Variants in UPB1 observed in about 807,000 individuals in gnomAD.
UPB1 encodes the protein beta-ureidopropionase.
In UPB1, 40 loss-of-function variants were observed where a neutral mutation model predicts 49.1. That is an observed-to-expected ratio of 0.81 (90% CI 0.63 to 1.06). The LOEUF (loss-of-function observed/expected upper bound fraction) is 1.06. Ranked by LOEUF, UPB1 falls within the 50% of genes least tolerant of loss-of-function variation. UPB1 has a pLI of 0.00. For missense variants in UPB1, 499 were observed against 505.9 expected (o/e 0.99, Z 0.13); for synonymous variants, 207 against 198.2 (o/e 1.04, Z -0.38).
At chr22:24,509,254 A>G (rs925807732) in intron 3 of UPB1, among the ~76,000 whole-genome samples, 1 of 151,470 alleles carries the variant, frequency 6.6e-6, no homozygotes, top group Non-Finnish European at 1.5e-5. Context: ...GGCCCACCCC[A>G]GCGGAGTCCC....
intron 3 of UPB1, among the ~76,000 whole-genome samples, chr22:24,507,470 T>C (rs901721778): frequency 1.3e-4 from 20 of 152,128 alleles, no homozygotes; most frequent in African/African-American, 4.8e-4. Flanking sequence ...CTCTTCCTTC[T>C]CTGTGAAATA....
chr22:24,504,390 T>C (rs551180548), intron 3 of UPB1, among the ~76,000 whole-genome samples: 5 of 152,366 alleles, frequency 3.3e-5, no homozygotes, highest in African/African-American at 1.2e-4. Context: ...CATTGTCTTC[T>C]AGTTTTTTGG....
At position 24,520,444 on chromosome 22, in the gene UPB1, C is replaced by T; in HGVS notation, c.849C>T (p.Thr283=). ...CAGCCATTGCCAATCACTGCTTCAC[C>T]TGCGCCATCAATCGAGTGGGCACCG... ...RNAAIANHCF[T]CAINRVGTEH... The change falls in exon 7 of 10, where the codon ACC becomes ACT. Residue 283 remains threonine (T), a synonymous_variant. Coordinates refer to ENST00000326010, the MANE Select transcript of UPB1 (RefSeq NM_016327.3). 6.2e-7 allele frequency: 1 copy of T among 1,614,200 alleles called. No individual in the cohort carries two copies. The highest frequency in any genetic ancestry group is 8.5e-7 in the Non-Finnish European group (1 of 1,180,040).
intron 3 of UPB1, among the ~76,000 whole-genome samples, chr22:24,509,508 A>G (rs550405120): frequency 6.6e-6 from 1 of 152,018 alleles, no homozygotes; most frequent in South Asian, 2.1e-4. Context: ...CATCCTGTCC[A>G]GTGGTTCCCA....
chr22:24,509,361 G>GAAAAA (rs202081655), intron 3 of UPB1, among the ~76,000 whole-genome samples: 5 of 92,168 alleles, frequency 5.4e-5, no homozygotes, highest in African/African-American at 9.4e-5. Flanking sequence ...CCTACTGTTT[G>GAAAAA]AAAAAAAAAA....
At chr22:24,522,167 T>C in intron 8 of UPB1, 139 bp downstream of exon 8, 2 of 1,002,274 alleles carry the variant, frequency 2.0e-6, no homozygotes, top group South Asian at 1.4e-5. Context: ...CCAATTCCTC[T>C]CTGCTTTATT....
At chr22:24,498,342 A>G (rs927222835) in intron 1 of UPB1, among the ~76,000 whole-genome samples, 1 of 152,144 alleles carries the variant, frequency 6.6e-6, no homozygotes, top group African/African-American at 2.4e-5. Flanking sequence ...GGCACAGCAC[A>G]TGGTCATTGA....
intron 4 of UPB1, among the ~76,000 whole-genome samples, chr22:24,511,314 T>C (rs2044197584): frequency 6.6e-6 from 1 of 152,164 alleles, no homozygotes; most frequent in East Asian, 1.9e-4. Context: ...CCCATTTATA[T>C]AAACTGTCCA....
chr22:24,507,376 T>C (rs2044108738), intron 3 of UPB1, among the ~76,000 whole-genome samples: 1 of 152,060 alleles, frequency 6.6e-6, no homozygotes, highest in South Asian at 2.1e-4. Context: ...AAGATGGTGG[T>C]GGTGCCATTG....
intron 9 of UPB1, 130 bp from the exon 10 acceptor site, chr22:24,525,581 C>A: frequency 9.7e-7 from 1 of 1,026,242 alleles, no homozygotes; most frequent in Non-Finnish European, 1.5e-6. Flanking sequence ...GCCAAGAGGT[C>A]ACTGTCAACG....
At chr22:24,521,769 G>GGTGCC (rs1271708839) in intron 7 of UPB1, among the ~76,000 whole-genome samples, 1 of 152,176 alleles carries the variant, frequency 6.6e-6, no homozygotes, top group Non-Finnish European at 1.5e-5. Flanking sequence ...TACCCCGCTT[G>GGTGCC]TCAAATTCCC....
At position 24,522,039 on chromosome 22, in the gene UPB1, T is replaced by A. The variant is rs778691193; in HGVS notation, c.916+11T>A. ...GAGATGGAAAGAAAGGTATGTCCCA[T>A]GAACCATGGTGGCTGCAGTTGAGGA... On this transcript the variant is annotated intron_variant, in intron 8 of 9. Coordinates refer to ENST00000326010, the MANE Select transcript of UPB1 (RefSeq NM_016327.3). 6.2e-7 allele frequency: 1 copy of A among 1,613,662 alleles called. No individual in the cohort carries two copies. The highest frequency in any genetic ancestry group is 1.3e-5 in the African/African-American group (1 of 75,048).
At chr22:24,504,667 A>C (rs945544643) in intron 3 of UPB1, among the ~76,000 whole-genome samples, 7 of 145,684 alleles carry the variant, frequency 4.8e-5, no homozygotes, top group Non-Finnish European at 1.1e-4. Flanking sequence ...AGACAGTCCT[A>C]CTATTAGGAT....
intron 1 of UPB1, among the ~76,000 whole-genome samples, chr22:24,496,683 A>G (rs1271875334): frequency 6.6e-6 from 1 of 152,158 alleles, no homozygotes; most frequent in Non-Finnish European, 1.5e-5. Flanking sequence ...GGAGATGGTC[A>G]TTCCAGGTGA....
In UPB1 at chr22:24,509,361, G is replaced by GAAAAAAAAAAAAAAAA. The variant is rs202081655; in HGVS notation, c.365-1368_365-1353dup. Among the ~76,000 whole-genome samples the GAAAAAAAAAAAAAAAA allele has an allele frequency of 2.5e-4, 23 of 92,162 alleles. 1 individual carries two copies. The highest frequency in any genetic ancestry group is 3.6e-4 in the Non-Finnish European group (18 of 49,776). 60.5% of individuals were successfully genotyped at this position (92,162 alleles called of 152,430 possible). On this transcript the variant is annotated intron_variant, in intron 3 of 9. Transcript: ENST00000326010. ...ATCTGTGTGTATGTACCTACTGTTTGAAAAAAAAAAAAAAAAAAAAAAAAA... is the reference window on the plus strand; with the variant it reads ...ATCTGTGTGTATGTACCTACTGTTTGAAAAAAAAAAAAAAAAAAAAAAAAAAAAAAAAAAAAAAAAA...
At chr22:24,506,021 ATT>A (rs71189255) in intron 3 of UPB1, among the ~76,000 whole-genome samples, 97 of 85,634 alleles carry the variant, frequency 1.1e-3, no homozygotes, top group South Asian at 1.9e-3. Context: ...CCCTAACTGC[ATT>A]TTTTTTTTTT....
intron 1 of UPB1, among the ~76,000 whole-genome samples, chr22:24,495,866 C>T (rs2043862631): frequency 6.6e-6 from 1 of 152,192 alleles, no homozygotes; most frequent in African/African-American, 2.4e-5. Flanking sequence ...GAGCACCCAG[C>T]AGGTGTACTG....
At position 24,520,392 on chromosome 22, in the gene UPB1, C is replaced by G. The variant is rs994636899; in HGVS notation, c.797C>G (p.Ser266Cys). 1 of 1,614,158 alleles carries G rather than the reference C, an allele frequency of 6.2e-7. No individual in the cohort carries two copies. The highest frequency in any genetic ancestry group is 8.5e-7 in the Non-Finnish European group (1 of 1,180,026). ...PSATIGALSE[S>C]LWPIEARNAA... Reference sequence around the variant, plus strand: ...CTCTTGGTCCTCTCTTACAGCGAGTCCCTGTGGCCCATCGAGGCCAGAAAC... The same window carrying G: ...CTCTTGGTCCTCTCTTACAGCGAGTGCCTGTGGCCCATCGAGGCCAGAAAC... Residue 266 changes from serine to cysteine, a missense_variant, in exon 7 of 10, where the codon TCC becomes TGC. Transcript: ENST00000326010.
At chr22:24,503,938 C>T (rs2044039423) in intron 3 of UPB1, among the ~76,000 whole-genome samples, 1 of 152,184 alleles carries the variant, frequency 6.6e-6, no homozygotes, top group South Asian at 2.1e-4. Flanking sequence ...CTTGGGATAC[C>T]GGTGGAAACA....
Sources: gnomAD v4.1 joint callset for allele counts (sites outside exome capture counted in the v4.1 genomes callset) on GRCh38, gnomAD v4.1.1 for gene constraint, MANE v1.5 for transcripts, NCBI Gene and HGNC (gene_info 2026-07-23, HGNC 2026-07-21) for gene names.